The following APIP variants were observed in gnomAD, a reference collection of about 807,000 sequenced individuals.
APIP encodes methylthioribulose-1-phosphate dehydratase.
In APIP, 32 loss-of-function variants were observed where a neutral mutation model predicts 32.0. The ratio of observed to expected loss-of-function variants is 1.00; its 90% confidence interval spans 0.76 to 1.34. The LOEUF is 1.34. Among genes scored for constraint, APIP ranks in the 40% most tolerant of loss-of-function variants. The pLI is 0.00. For missense variants in APIP, 247 were observed against 298.6 expected (o/e 0.83, Z 1.27); for synonymous variants, 92 against 94.8 (o/e 0.97, Z 0.17).
At chr11:34,916,145 T>A in intron 1 of APIP, 83 bp downstream of exon 1, 1 of 1,533,018 alleles carries the variant, frequency 6.5e-7, no homozygotes, top group Non-Finnish European at 8.8e-7. Context: ...CCCGGCCCGC[T>A]ACCCTGCGCC....
Position 34,895,122 on chromosome 11 carries a change from G to GATA in APIP, c.58-13_58-12insTAT, listed in dbSNP as rs1565135463. On this transcript the variant is annotated splice_polypyrimidine_tract_variant and intron_variant, in intron 1 of 6. Transcript: ENST00000395787. ...GGATGCTCCTTGTCCTTAAAAAGAAGGTAATGATTTTTAAAACAGACATCA... is the reference window on the plus strand; with the variant it reads ...GGATGCTCCTTGTCCTTAAAAAGAAGATAGTAATGATTTTTAAAACAGACATCA... The GATA allele has an allele frequency of 6.2e-7, 1 of 1,602,860 alleles. No homozygotes were observed. Among genetic ancestry groups the GATA allele is most frequent in the Non-Finnish European group, 8.5e-7 (1 of 1,169,966 alleles).
At chr11:34,886,026 G>GT (rs1853064837) in intron 5 of APIP, among the ~76,000 whole-genome samples, 1 of 152,172 alleles carries the variant, frequency 6.6e-6, no homozygotes, top group East Asian at 1.9e-4. Context: ...AGTAGTTTAT[G>GT]TATTTATTAC....
At chr11:34,907,606 G>C (rs1378577522) in intron 1 of APIP, among the ~76,000 whole-genome samples, 1 of 152,072 alleles carries the variant, frequency 6.6e-6, no homozygotes, top group Non-Finnish European at 1.5e-5. Context: ...GTAACTACCA[G>C]AACATATATT....
chr11:34,897,405 T>A (rs1853292388), intron 1 of APIP, among the ~76,000 whole-genome samples: 1 of 152,252 alleles, frequency 6.6e-6, no homozygotes. Context: ...GCAGTCAGCA[T>A]GAAATCTGAC....
chr11:34,906,390 C>G (rs1853456477), intron 1 of APIP, among the ~76,000 whole-genome samples: 1 of 152,194 alleles, frequency 6.6e-6, no homozygotes, highest in African/African-American at 2.4e-5. Flanking sequence ...GGAGATTTAA[C>G]TGAAAGAGCA....
intron 1 of APIP, among the ~76,000 whole-genome samples, chr11:34,903,340 G>A (rs540851382): frequency 7.9e-5 from 12 of 152,298 alleles, no homozygotes; most frequent in Admixed American, 3.3e-4. Context: ...TCTAAATGAC[G>A]TCACCAAAAG....
intron 1 of APIP, among the ~76,000 whole-genome samples, chr11:34,913,504 C>A (rs979577878): frequency 2.2e-4 from 33 of 151,804 alleles, no homozygotes; most frequent in African/African-American, 7.7e-4. Context: ...TTAAAGGTGG[C>A]ACGCAGGTTG....
intron 1 of APIP, among the ~76,000 whole-genome samples, chr11:34,915,181 AAG>A (rs1853648264): frequency 6.6e-6 from 1 of 152,012 alleles, no homozygotes; most frequent in African/African-American, 2.4e-5. Flanking sequence ...ACATTACACT[AAG>A]ATTTACTGAT....
At chr11:34,888,898 A>C in intron 3 of APIP, 29 bp from the exon 4 acceptor site, 2 of 1,305,444 alleles carry the variant, frequency 1.5e-6, no homozygotes, top group Non-Finnish European at 2.1e-6. Context: ...AAAAGAAAAA[A>C]AGAAGGCTTG....
intron 6 of APIP, 152 bp downstream of exon 6, chr11:34,883,185 A>G (rs780203410): frequency 3.6e-6 from 3 of 826,582 alleles, no homozygotes; most frequent in Non-Finnish European, 5.4e-6. Context: ...AGCTCATCCA[A>G]TCAATACTTC....
chr11:34,890,263 T>C (rs1368996544), intron 3 of APIP, among the ~76,000 whole-genome samples: 1 of 152,134 alleles, frequency 6.6e-6, no homozygotes, highest in Non-Finnish European at 1.5e-5. Flanking sequence ...TTACTGTGAT[T>C]TAAGATTGCA....
At position 34,916,137 on chromosome 11, in the gene APIP, C is replaced by A. The variant is rs561463212; in HGVS notation, c.57+91G>T. 2,556 of 1,510,264 alleles carry A rather than the reference C, an allele frequency of 1.7e-3. 5 individuals are homozygous for A. Among genetic ancestry groups the A allele is most frequent in the Admixed American group, 2.6e-3 (132 of 50,006 alleles). 93.6% of individuals were successfully genotyped at this position (1,510,264 alleles called of 1,614,324 possible). On this transcript the variant is annotated intron_variant, in intron 1 of 6. Transcript: ENST00000395787. ...AAACCCCGCCCCGCAGCTAAACGCC[C>A]GGCCCGCTACCCTGCGCCCAGCTCC...
chr11:34,888,706 G>A (rs748465761), intron 4 of APIP, 46 bp downstream of exon 4: 1 of 1,359,200 alleles, frequency 7.4e-7, no homozygotes, highest in South Asian at 1.4e-5. Flanking sequence ...ATTTAGAGGA[G>A]CCTACTCTGC....
intron 3 of APIP, among the ~76,000 whole-genome samples, chr11:34,890,267 G>A (rs1461703276): frequency 6.6e-6 from 1 of 152,122 alleles, no homozygotes; most frequent in Non-Finnish European, 1.5e-5. Flanking sequence ...TGTGATTTAA[G>A]ATTGCACTAT....
In APIP at chr11:34,898,830, G is replaced by A. The variant is rs1318088444; in HGVS notation, c.58-3720C>T. ...TTTTTTTTTTTTGAGGCAGAGTCTC[G>A]CTCTTTCGCCCAGGCTGGAGTGCAG... On this transcript the variant is annotated intron_variant, in intron 1 of 6. Transcript: ENST00000395787. Among the ~76,000 whole-genome samples the A allele has an allele frequency of 1.8e-5, 2 of 108,962 alleles. 1 individual carries two copies. Among genetic ancestry groups the A allele is most frequent in the African/African-American group, 7.2e-5 (2 of 27,784 alleles). The allele number at this position is 108,962 out of a possible 152,430, so 71.5% of individuals were successfully genotyped here.
At chr11:34,886,837 CAG>C (rs1853081164) in intron 5 of APIP, among the ~76,000 whole-genome samples, 3 of 152,272 alleles carry the variant, frequency 2.0e-5, no homozygotes, top group Non-Finnish European at 1.5e-5. Context: ...CCTGGGTGTG[CAG>C]TAGGCTATAC....
chr11:34,888,501 T>A, intron 4 of APIP, 73 bp from the exon 5 acceptor site: 1 of 1,557,770 alleles, frequency 6.4e-7, no homozygotes, highest in Non-Finnish European at 8.6e-7. Flanking sequence ...AAAGTCCATA[T>A]AGTTATACTT....
intron 1 of APIP, among the ~76,000 whole-genome samples, chr11:34,908,399 A>G (rs1032121809): frequency 1.3e-5 from 2 of 152,232 alleles, no homozygotes; most frequent in Admixed American, 1.3e-4. Context: ...CACAGTAAAG[A>G]TGAGTCATAC....
chr11:34,903,601 A>C (rs760982601), intron 1 of APIP, among the ~76,000 whole-genome samples: 10 of 152,244 alleles, frequency 6.6e-5, no homozygotes, highest in Non-Finnish European at 1.2e-4. Context: ...AATAGCAGTG[A>C]TGCATTGCAA....
Sources: allele counts gnomAD v4.1 joint callset (sites outside exome capture counted in the v4.1 genomes callset), GRCh38; gene constraint gnomAD v4.1.1; transcripts MANE v1.5; gene names NCBI Gene and HGNC (gene_info 2026-07-23, HGNC 2026-07-21).